The following SI variants were observed in gnomAD, a reference collection of about 807,000 sequenced individuals.
SI encodes sucrase-isomaltase, intestinal.
A neutral mutation model predicts 253.3 loss-of-function variants in SI; 235 were observed. That is an observed-to-expected ratio of 0.93 (90% CI 0.83 to 1.03). SI has a LOEUF of 1.03. Among genes scored for constraint, SI ranks in the 50% least tolerant of loss-of-function variants. SI has a pLI of 0.00. For missense variants in SI, 2,442 were observed against 2,211.1 expected (o/e 1.10, Z -2.09); for synonymous variants, 819 against 712.0 (o/e 1.15, Z -2.39).
chr3:165,086,983 T>C, the SI span, among the ~76,000 whole-genome samples: 3 of 152,144 alleles, frequency 2.0e-5, no homozygotes, highest in Non-Finnish European at 4.4e-5. Context: ...TGGAAATATA[T>C]GACTGCTACT....
intron 3 of SI, among the ~76,000 whole-genome samples, chr3:165,071,958 T>C (rs1028373858): frequency 2.6e-5 from 4 of 152,152 alleles, no homozygotes; most frequent in African/African-American, 9.6e-5. Context: ...CATGGAATTA[T>C]GCCTGTTACC....
intron 27 of SI, among the ~76,000 whole-genome samples, chr3:165,020,920 G>A (rs898656263): frequency 4.0e-5 from 6 of 151,280 alleles, no homozygotes; most frequent in Admixed American, 6.6e-5. Context: ...ACTTATTTTT[G>A]CCAACACTTA....
At chr3:165,057,039 T>C (rs1012111483) in intron 12 of SI, among the ~76,000 whole-genome samples, 3 of 151,986 alleles carry the variant, frequency 2.0e-5, no homozygotes, top group Admixed American at 1.3e-4. Context: ...GTGTGAACTT[T>C]CAGACAGAAA....
intron 3 of SI, among the ~76,000 whole-genome samples, chr3:165,071,043 T>G (rs1199238390): frequency 6.6e-6 from 1 of 152,096 alleles, no homozygotes; most frequent in African/African-American, 2.4e-5. Flanking sequence ...GTGTGGTTCC[T>G]TCCTCTTATA....
chr3:165,016,148 A>G, intron 31 of SI, 68 bp from the exon 32 acceptor site: 2 of 1,382,118 alleles, frequency 1.4e-6, no homozygotes, highest in Non-Finnish European at 2.1e-6. Context: ...ATATTTTATC[A>G]TACTTATAAA....
chr3:165,022,758 T>A (rs1248105799), intron 26 of SI, among the ~76,000 whole-genome samples: 1 of 151,702 alleles, frequency 6.6e-6, no homozygotes, highest in Non-Finnish European at 1.5e-5. Flanking sequence ...AAGGTGTTTA[T>A]TTTTTCAGAC....
At chr3:165,040,822 T>G in intron 18 of SI, 118 bp downstream of exon 18, 1 of 773,062 alleles carries the variant, frequency 1.3e-6, no homozygotes, top group Non-Finnish European at 2.2e-6. Context: ...TTTACACCAA[T>G]GTAAAAACAA....
At chr3:164,999,819 C>A (rs945623980) in intron 37 of SI, among the ~76,000 whole-genome samples, 1 of 151,582 alleles carries the variant, frequency 6.6e-6, no homozygotes, top group Non-Finnish European at 1.5e-5. Flanking sequence ...GTTAAACAGA[C>A]ATAACATATT....
intron 9 of SI, among the ~76,000 whole-genome samples, chr3:165,060,533 CCCACCCAG>C (rs1473365317): frequency 6.6e-6 from 1 of 151,750 alleles, no homozygotes. Context: ...CTGCAATGCT[CCCACCCAG>C]TTATTGCATA....
chr3:165,066,308 A>T (rs1211663630), intron 6 of SI, among the ~76,000 whole-genome samples: 1 of 151,792 alleles, frequency 6.6e-6, no homozygotes, highest in African/African-American at 2.4e-5. Context: ...GGGAGTGGGG[A>T]TTATCCTGAA....
At chr3:165,071,556 T>C (rs755302668) in intron 3 of SI, among the ~76,000 whole-genome samples, 2 of 152,042 alleles carry the variant, frequency 1.3e-5, no homozygotes, top group Non-Finnish European at 2.9e-5. Context: ...TGTAGATATG[T>C]ATATTCACTG....
At position 165,055,247 on chromosome 3, in the gene SI, C is replaced by T; in HGVS notation, c.1459G>A (p.Ala487Thr). The T allele has an allele frequency of 6.2e-7, 1 of 1,611,714 alleles. No individual in the cohort carries two copies. The highest frequency in any genetic ancestry group is 8.5e-7 in the Non-Finnish European group (1 of 1,178,476). ...FTNPNCIDWW[A>T]NECSIFHQEV... ...TGATGGAAAATACTGCATTCATTTG[C>T]CCACCAATCAATGCAGTTTGGGTTA... Residue 487 changes from alanine (A) to threonine (T), a missense_variant, in exon 13 of 48, where the codon GCA (alanine) becomes ACA (threonine). Transcript: ENST00000264382.
At chr3:164,984,714 GAGA>G (rs1284094816) in intron 45 of SI, among the ~76,000 whole-genome samples, 1 of 151,992 alleles carries the variant, frequency 6.6e-6, no homozygotes, top group African/African-American at 2.4e-5. Flanking sequence ...CAAGTTTTAG[GAGA>G]AGTTCATTTT....
intron 6 of SI, among the ~76,000 whole-genome samples, chr3:165,066,578 C>G (rs1714258597): frequency 6.6e-6 from 1 of 151,880 alleles, no homozygotes; most frequent in Non-Finnish European, 1.5e-5. Flanking sequence ...AACATCTCCC[C>G]CATTCTCCTC....
In SI at chr3:164,994,255, A is replaced by T; in HGVS notation, c.4841+2T>A. 6.2e-7 allele frequency: 1 copy of T among 1,610,116 alleles called. No homozygotes were observed. The highest frequency in any genetic ancestry group is 8.5e-7 in the Non-Finnish European group (1 of 1,177,314). Reference sequence around the variant, plus strand: ...ATAAGAGAAAACAAACTTTGTACTTACTCATGCAAAAGGGGTCGGATAACA... The same window carrying T: ...ATAAGAGAAAACAAACTTTGTACTTTCTCATGCAAAAGGGGTCGGATAACA... On this transcript the variant is annotated splice_donor_variant, in intron 41 of 47. Transcript: ENST00000264382. LOFTEE classifies it high-confidence loss of function.
intron 37 of SI, 31 bp from the exon 38 acceptor site, chr3:164,998,704 T>C: frequency 6.3e-7 from 1 of 1,581,270 alleles, no homozygotes. Flanking sequence ...TTTTGAGTTT[T>C]TACATGAGAT....
At position 165,067,461 on chromosome 3, in the gene SI, C is replaced by T; in HGVS notation, c.514G>A (p.Val172Ile). ...ITDPNNRRYE[V>I]PHQYVKEFTG... ...AACTCTTTTACATACTGATGAGGAA[C>T]TTCATATCTTCTATTATTTGGATCA... The change falls in exon 6 of 48, where the codon GTT becomes ATT. Residue 172 changes from valine to isoleucine, a missense_variant. By Grantham distance (29) the Val-to-Ile change is conservative (BLOSUM62 3). Coordinates refer to ENST00000264382, the MANE Select transcript of SI (RefSeq NM_001041.4). The T allele has an allele frequency of 6.2e-7, 1 of 1,610,170 alleles. No individual in the cohort carries two copies. Among genetic ancestry groups the T allele is most frequent in the Non-Finnish European group, 8.5e-7 (1 of 1,176,742 alleles).
At chr3:165,069,585 A>T (rs181651536) in intron 3 of SI, among the ~76,000 whole-genome samples, 505 of 152,206 alleles carry the variant, frequency 3.3e-3, no homozygotes, top group Non-Finnish European at 5.6e-3. Context: ...AACTAGGAGG[A>T]TGAAAATATG....
chr3:165,086,395 G>T, the SI span, among the ~76,000 whole-genome samples: 1 of 152,194 alleles, frequency 6.6e-6, no homozygotes, highest in Non-Finnish European at 1.5e-5. Context: ...GAACTAGGTT[G>T]CTGGCACAAA....
Sources: gnomAD v4.1 joint callset for allele counts (sites outside exome capture counted in the v4.1 genomes callset) on GRCh38, gnomAD v4.1.1 for gene constraint, MANE v1.5 for transcripts, NCBI Gene and HGNC (gene_info 2026-07-23, HGNC 2026-07-21) for gene names.